PSD3: variants seen among roughly 807,000 people sequenced by gnomAD.
The protein encoded by PSD3 is pleckstrin and Sec7 domain containing 3.
A neutral mutation model predicts 105.5 loss-of-function variants in PSD3; 49 were observed. The ratio of observed to expected loss-of-function variants is 0.46; its 90% CI spans 0.37 to 0.59. The LOEUF is 0.59. Ranked by LOEUF, PSD3 falls within the 20% of genes least tolerant of loss-of-function variation. PSD3 has a pLI of 0.00. For missense variants in PSD3, 1,561 were observed against 1,263.8 expected, an observed-to-expected ratio of 1.24 and a Z score of -3.57; for synonymous variants, 557 against 457.8, an observed-to-expected ratio of 1.22 and a Z score of -2.77.
chr8:18,758,081 T>G (rs953468298), intron 9 of PSD3, among the ~76,000 whole-genome samples: 15 of 152,182 alleles, frequency 9.9e-5, no homozygotes, highest in Non-Finnish European at 1.2e-4. Context: ...AGAGTCCTTG[T>G]GCCATTTACC....
At chr8:18,765,679 C>T in intron 8 of PSD3, 141 bp from the exon 9 acceptor site, 4 of 713,588 alleles carry the variant, frequency 5.6e-6, no homozygotes, top group Admixed American at 4.2e-5. Flanking sequence ...GTAACTTCCA[C>T]ACTTTGGGAG....
intron 9 of PSD3, among the ~76,000 whole-genome samples, chr8:18,700,097 T>C (rs1801492167): frequency 6.6e-6 from 1 of 152,208 alleles, no homozygotes; most frequent in Non-Finnish European, 1.5e-5. Flanking sequence ...TTATTTTCAT[T>C]TTCCTAGGCC....
intron 1 of PSD3, among the ~76,000 whole-genome samples, chr8:19,057,679 C>G (rs1828757332): frequency 6.6e-6 from 1 of 152,106 alleles, no homozygotes; most frequent in Non-Finnish European, 1.5e-5. Flanking sequence ...AAGAGGGCCT[C>G]CAAGACCCCA....
At chr8:18,763,084 A>T (rs1585880092) in intron 9 of PSD3, 2 of 469,954 alleles carry the variant, frequency 4.3e-6, no homozygotes, top group East Asian at 1.4e-4. Flanking sequence ...GACATGGAAC[A>T]ACAGACATTC....
At chr8:18,687,199 C>T (rs956643719) in intron 9 of PSD3, among the ~76,000 whole-genome samples, 8 of 152,184 alleles carry the variant, frequency 5.3e-5, no homozygotes, top group Non-Finnish European at 7.3e-5. Context: ...TGCAGTGGCT[C>T]ACTCCTGTAA....
Position 18,984,958 on chromosome 8 carries a change from G to C in PSD3, c.21+28605C>G, listed in dbSNP as rs569896887. On this transcript the variant is annotated intron_variant, in intron 1 of 15. Coordinates refer to ENST00000327040, the MANE Select transcript of PSD3 (RefSeq NM_015310.4). ...TTTTTGTTTTGGCGGTGGGGGGACA[G>C]AGTCTCACTCTGTTGCCCAGGCTGG... 4.1e-4 allele frequency among the ~76,000 whole-genome samples: 62 copies of C among 152,264 alleles called. No individual in the cohort carries two copies. The South Asian group carries it at 0.012, about 30-fold the overall frequency.
intron 2 of PSD3, among the ~76,000 whole-genome samples, chr8:18,881,084 C>T (rs774167593): frequency 6.6e-5 from 10 of 152,192 alleles, no homozygotes; most frequent in Non-Finnish European, 1.0e-4. Flanking sequence ...ACTTTATCTG[C>T]GGCTTTGTGT....
At chr8:18,693,865 T>A (rs1258970924) in intron 9 of PSD3, among the ~76,000 whole-genome samples, 1 of 152,230 alleles carries the variant, frequency 6.6e-6, no homozygotes, top group African/African-American at 2.4e-5. Context: ...TCAGTTTCCA[T>A]GTTTTTGGAG....
intron 9 of PSD3, among the ~76,000 whole-genome samples, chr8:18,727,062 G>A (rs1803376744): frequency 6.6e-6 from 1 of 152,086 alleles, no homozygotes; most frequent in African/African-American, 2.4e-5. Flanking sequence ...GGCAGGCCAG[G>A]CGCAGTGGCT....
At chr8:18,546,103 C>A (rs1563308452) in intron 15 of PSD3, among the ~76,000 whole-genome samples, 2 of 152,146 alleles carry the variant, frequency 1.3e-5, no homozygotes, top group Admixed American at 6.6e-5. Context: ...CAGGTTCACG[C>A]AATTCTCCTG....
chr8:18,751,238 C>T (rs765845093), intron 9 of PSD3, among the ~76,000 whole-genome samples: 1 of 152,154 alleles, frequency 6.6e-6, no homozygotes, highest in African/African-American at 2.4e-5. Flanking sequence ...GCTGGTGGGC[C>T]GGCACTGCTG....
intron 9 of PSD3, among the ~76,000 whole-genome samples, chr8:18,658,554 G>T (rs1022387322): frequency 1.4e-5 from 2 of 141,496 alleles, no homozygotes; most frequent in African/African-American, 5.2e-5. Flanking sequence ...ACAGGGTCTT[G>T]CTTGGTCACC....
chr8:18,634,847 C>T (rs1807146770), intron 10 of PSD3, among the ~76,000 whole-genome samples: 1 of 152,074 alleles, frequency 6.6e-6, no homozygotes, highest in Non-Finnish European at 1.5e-5. Flanking sequence ...AAGGCAGTGT[C>T]CCACAGGTTC....
At chr8:18,922,026 TA>T (rs904950204) in intron 2 of PSD3, among the ~76,000 whole-genome samples, 2 of 152,238 alleles carry the variant, frequency 1.3e-5, no homozygotes, top group Admixed American at 6.5e-5. Context: ...AAATAAATCA[TA>T]AGTTAAAAAT....
intron 1 of PSD3, among the ~76,000 whole-genome samples, chr8:19,004,611 A>T (rs1826563679): frequency 1.3e-5 from 2 of 152,120 alleles, no homozygotes; most frequent in East Asian, 1.9e-4. Context: ...AATATAATTT[A>T]AAAACGGTCA....
intron 1 of PSD3, among the ~76,000 whole-genome samples, chr8:18,939,858 A>G (rs1043490866): frequency 7.9e-5 from 12 of 152,212 alleles, no homozygotes; most frequent in African/African-American, 2.4e-4. Context: ...TTTTATATCA[A>G]TAAGTTTATA....
chr8:18,956,313 C>T (rs780732420), intron 1 of PSD3, among the ~76,000 whole-genome samples: 17 of 152,054 alleles, frequency 1.1e-4, no homozygotes, highest in Non-Finnish European at 1.9e-4. Flanking sequence ...ACTGGTATCC[C>T]GCTAAAACTC....
At chr8:18,653,095 C>T (rs756443132) in intron 10 of PSD3, among the ~76,000 whole-genome samples, 2 of 152,140 alleles carry the variant, frequency 1.3e-5, no homozygotes, top group African/African-American at 2.4e-5. Flanking sequence ...CATTCCAAGA[C>T]TTAGTTGACC....
chr8:18,654,209 T>C (rs1808722933), intron 10 of PSD3, among the ~76,000 whole-genome samples: 1 of 152,182 alleles, frequency 6.6e-6, no homozygotes, highest in Non-Finnish European at 1.5e-5. Context: ...ACCATGACTC[T>C]ACAGTGAGTA....
Sources: gnomAD v4.1 joint callset for allele counts (sites outside exome capture counted in the v4.1 genomes callset) on GRCh38, gnomAD v4.1.1 for gene constraint, MANE v1.5 for transcripts, NCBI Gene and HGNC (gene_info 2026-07-23, HGNC 2026-07-21) for gene names.